RFC3: variants seen among roughly 807,000 people sequenced by gnomAD.
RFC3 encodes replication factor C subunit 3.
RFC3 carries 41 observed loss-of-function variants against 45.1 expected under a neutral mutation model. That is an observed-to-expected ratio of 0.91 (90% CI 0.71 to 1.18). The LOEUF (loss-of-function observed/expected upper bound fraction) is 1.18. RFC3 is among the 50% of genes most tolerant of loss of function. RFC3 has a pLI of 0.00. For synonymous variants in RFC3, 149 were observed against 144.0 expected (o/e 1.03, Z -0.25); for missense variants, 423 against 428.1 (o/e 0.99, Z 0.10).
At chr13:33,862,482 C>T (rs2137539857) in intron 8 of RFC3, among the ~76,000 whole-genome samples, 1 of 152,238 alleles carries the variant, frequency 6.6e-6, no homozygotes, top group South Asian at 2.1e-4. Flanking sequence ...ACTTATTCAT[C>T]TATTTTCTGC....
chr13:33,847,171 G>A (rs1566393017), intron 8 of RFC3: 1 of 152,464 alleles, frequency 6.6e-6, no homozygotes, highest in Non-Finnish European at 1.5e-5. Flanking sequence ...CAAAGTGCTG[G>A]GATTACAGGC....
chr13:33,920,472 A>G (rs2082762135), intron 8 of RFC3, among the ~76,000 whole-genome samples: 1 of 128,750 alleles, frequency 7.8e-6, no homozygotes, highest in Non-Finnish European at 1.5e-5. Flanking sequence ...TCTGTCTCTC[A>G]GGCTGGAGTG....
intron 8 of RFC3, among the ~76,000 whole-genome samples, chr13:33,883,210 G>A (rs1176241762): frequency 5.3e-5 from 8 of 152,176 alleles, no homozygotes; most frequent in Non-Finnish European, 1.5e-5. Flanking sequence ...AAATGACCCT[G>A]CAAAAATATT....
rs566576623 is a variant in RFC3 at position 33,951,516 on chromosome 13, G to A, written c.880-14571G>A. Among the ~76,000 whole-genome samples, 31 of 152,198 alleles carry A rather than the reference G, an allele frequency of 2.0e-4. No individual in the cohort carries two copies. The South Asian group carries it at 5.4e-3, about 26-fold the overall frequency. ...AAAAGTGCTGGTATTACAGGCATGA[G>A]CCACCACACCCAGCTGTAAATAACT... On this transcript the variant is annotated intron_variant, in intron 8 of 8. Coordinates refer to the RFC3 transcript ENST00000434425.
chr13:33,920,382 C>T (rs1566028632), intron 8 of RFC3, among the ~76,000 whole-genome samples: 1 of 151,336 alleles, frequency 6.6e-6, no homozygotes, highest in African/African-American at 2.4e-5. Flanking sequence ...CAATAGTTCA[C>T]CCTTGCATGT....
Position 33,836,303 on chromosome 13 carries a change from C to T in RFC3, c.*8C>T. The T allele has an allele frequency of 6.2e-7, 1 of 1,610,318 alleles. No homozygotes were observed. The highest frequency in any genetic ancestry group is 1.1e-5 in the South Asian group (1 of 90,852). The stretch of plus-strand genomic sequence containing the variant: ...GAAGGCATGATGTTCTGACTTCTGT[C>T]AGTTATTCTTGCAAAGATTTCTCAG... On this transcript the variant is annotated 3_prime_UTR_variant, in exon 9 of 9. Coordinates refer to ENST00000380071, the MANE Select transcript of RFC3 (RefSeq NM_002915.4).
intron 8 of RFC3, among the ~76,000 whole-genome samples, chr13:33,916,199 A>C (rs1333614809): frequency 6.6e-6 from 1 of 152,178 alleles, no homozygotes; most frequent in African/African-American, 2.4e-5. Flanking sequence ...GGTGCCTGCC[A>C]TTTGCATGTT....
chr13:33,896,050 G>A (rs2082595942), intron 8 of RFC3, among the ~76,000 whole-genome samples: 1 of 151,556 alleles, frequency 6.6e-6, no homozygotes, highest in African/African-American at 2.4e-5. Flanking sequence ...CTACATATTG[G>A]GTACAAGGTA....
At chr13:33,942,859 G>C (rs182911477) in intron 8 of RFC3, among the ~76,000 whole-genome samples, 368 of 152,262 alleles carry the variant, frequency 2.4e-3, no homozygotes, top group Non-Finnish European at 2.9e-3. Context: ...AAAATCTTGA[G>C]AAGTCTGGTG....
chr13:33,867,390 A>T (rs1455007002), intron 8 of RFC3, among the ~76,000 whole-genome samples: 1 of 152,220 alleles, frequency 6.6e-6, no homozygotes, highest in Non-Finnish European at 1.5e-5. Flanking sequence ...TCTGTTAATC[A>T]TTTTAGTACC....
At chr13:33,866,155 T>A (rs1305627485) in intron 8 of RFC3, among the ~76,000 whole-genome samples, 1 of 152,230 alleles carries the variant, frequency 6.6e-6, no homozygotes, top group African/African-American at 2.4e-5. Context: ...TTCCCCTAAC[T>A]ACATCCTCCA....
intron 8 of RFC3, among the ~76,000 whole-genome samples, chr13:33,922,046 A>T (rs1026769637): frequency 6.6e-6 from 1 of 151,950 alleles, no homozygotes; most frequent in African/African-American, 2.4e-5. Context: ...CTGCTGGAAG[A>T]TGGAGTGAAA....
At chr13:33,927,526 G>T (rs533685173) in intron 8 of RFC3, among the ~76,000 whole-genome samples, 2 of 152,188 alleles carry the variant, frequency 1.3e-5, no homozygotes, top group South Asian at 2.1e-4. Context: ...TTGTTTAAGA[G>T]GCCAACTCTC....
chr13:33,916,843 C>T (rs57089201), intron 8 of RFC3, among the ~76,000 whole-genome samples: 25,292 of 151,374 alleles, frequency 0.17, 2,791 homozygotes, highest in African/African-American at 0.27. Flanking sequence ...TGTATGTGCA[C>T]TAAATGTTTT....
chr13:33,852,925 C>T (rs929436537), intron 8 of RFC3, among the ~76,000 whole-genome samples: 2 of 152,132 alleles, frequency 1.3e-5, no homozygotes, highest in African/African-American at 4.8e-5. Context: ...CACAGACCAA[C>T]CTTGTCCTAA....
chr13:33,967,105 T>C (rs1297591363), downstream of RFC3, among the ~76,000 whole-genome samples: 3 of 151,706 alleles, frequency 2.0e-5, no homozygotes, highest in Admixed American at 1.3e-4. Flanking sequence ...TGCAGTGAGC[T>C]GAGACCACAC....
At position 33,896,711 on chromosome 13, in the gene RFC3, CAAAAAAAAAAAAAA is replaced by C. The variant is rs56129519; in HGVS notation, c.879+61513_879+61526del. ...TGGGCAACAGAGTAAGACTTTGTCT[CAAAAAAAAAAAAAA>C]AAAAAAAAAAAAAAAAAAGCAAGTA... is the stretch of plus-strand genomic sequence containing the variant. On this transcript the variant is annotated intron_variant, in intron 8 of 8. Coordinates refer to the RFC3 transcript ENST00000434425. 4.1e-3 allele frequency among the ~76,000 whole-genome samples: 174 copies of C among 42,138 alleles called. 2 individuals carry two copies. Among genetic ancestry groups the C allele is most frequent in the African/African-American group, 9.7e-3 (147 of 15,188 alleles). 27.6% of individuals were successfully genotyped at this position (42,138 alleles called of 152,430 possible).
chr13:33,864,311 T>C (rs564236686), intron 8 of RFC3, among the ~76,000 whole-genome samples: 2 of 152,270 alleles, frequency 1.3e-5, no homozygotes, highest in South Asian at 4.1e-4. Context: ...AAATGAGATT[T>C]GGAGGGGACA....
At position 33,939,724 on chromosome 13, in the gene RFC3, C is replaced by T. The variant is rs1380809126; in HGVS notation, c.880-26363C>T. Among the ~76,000 whole-genome samples, 3 of 152,198 alleles carry T rather than the reference C, an allele frequency of 2.0e-5. No homozygotes were observed. The East Asian group carries it at 5.8e-4, about 29-fold the overall frequency. ...GGAAGCGGGAACAGTCTTGTCCTGT[C>T]GAGCTCCTTACTTTATGGAGTCTGT... On this transcript the variant is annotated intron_variant, in intron 8 of 8. Coordinates refer to the RFC3 transcript ENST00000434425.
Sources: allele counts gnomAD v4.1 joint callset (sites outside exome capture counted in the v4.1 genomes callset), GRCh38; gene constraint gnomAD v4.1.1; transcripts MANE v1.5; gene names NCBI Gene and HGNC (gene_info 2026-07-23, HGNC 2026-07-21).